CAMTA1: variants seen among roughly 807,000 people sequenced by gnomAD.
The protein encoded by CAMTA1 is calmodulin-binding transcription activator 1.
A neutral mutation model predicts 170.9 loss-of-function variants in CAMTA1; 27 were observed. That is an observed-to-expected ratio of 0.16 (90% confidence interval 0.12 to 0.22). The LOEUF (loss-of-function observed/expected upper bound fraction) is 0.22. CAMTA1 is among the 10% of genes least tolerant of loss of function. The pLI is 1.00. For missense variants in CAMTA1, 1,619 were observed against 2,217.2 expected (o/e 0.73, Z 5.42); for synonymous variants, 833 against 891.5 (o/e 0.93, Z 1.17).
At chr1:6,879,220 T>G (rs1670779326) in intron 3 of CAMTA1, among the ~76,000 whole-genome samples, 1 of 152,234 alleles carries the variant, frequency 6.6e-6, no homozygotes, top group African/African-American at 2.4e-5. Context: ...TCAGTCATCC[T>G]AGGAGAAATG....
At chr1:7,055,850 T>C (rs1434974169) in intron 3 of CAMTA1, among the ~76,000 whole-genome samples, 1 of 152,244 alleles carries the variant, frequency 6.6e-6, no homozygotes. Flanking sequence ...GATGAAGTAC[T>C]TCAGGGCTCA....
chr1:6,862,539 A>T (rs1665144885), intron 3 of CAMTA1, among the ~76,000 whole-genome samples: 1 of 152,074 alleles, frequency 6.6e-6, no homozygotes, highest in Non-Finnish European at 1.5e-5. Context: ...TTCATTTTTT[A>T]ACTATTCCAA....
At chr1:7,306,005 GTTGT>G (rs1444714151) in intron 5 of CAMTA1, among the ~76,000 whole-genome samples, 6 of 151,948 alleles carry the variant, frequency 3.9e-5, no homozygotes, top group African/African-American at 9.7e-5. Context: ...TATTTATTGG[GTTGT>G]TTGTTTGCTT....
chr1:7,747,924 T>A lies in CAMTA1; in HGVS notation c.4689+143T>A, dbSNP rs561073444. ...TTTGGTTGTTTTTTTTTTTTTATTT[T>A]TTTTTTGAAACGGAGTCTGGCTGTG... is the stretch of plus-strand genomic sequence containing the variant. On this transcript the variant is annotated intron_variant, in intron 19 of 22. Transcript: ENST00000303635. 27 of 567,232 alleles carry A rather than the reference T, an allele frequency of 4.8e-5. No individual in the cohort carries two copies. The East Asian group carries it at 7.4e-4, about 15-fold the overall frequency. The allele number at this position is 567,232 out of a possible 1,614,324, so 35.1% of individuals were successfully genotyped here.
In CAMTA1 at chr1:7,507,262, C is replaced by T. The variant is rs1622341; in HGVS notation, c.510+39361C>T. 2.2e-4 allele frequency among the ~76,000 whole-genome samples: 33 copies of T among 152,066 alleles called. No individual in the cohort carries two copies. In the South Asian group the frequency reaches 5.6e-3, roughly 26 times the overall value. ...ACTCACGCTCACATATTTGCACACT[C>T]GCACACACCCTGCCTTTTGCACACG... is the stretch of plus-strand genomic sequence containing the variant. On this transcript the variant is annotated intron_variant, in intron 6 of 22. Coordinates refer to ENST00000303635, the MANE Select transcript of CAMTA1 (RefSeq NM_015215.4).
intron 3 of CAMTA1, among the ~76,000 whole-genome samples, chr1:7,079,567 G>A (rs957537196): frequency 2.6e-5 from 4 of 151,920 alleles, no homozygotes; most frequent in Admixed American, 6.6e-5. Flanking sequence ...CACCTCCCAG[G>A]TTCAAGCGAT....
chr1:7,373,825 C>T (rs1574985245), intron 5 of CAMTA1, among the ~76,000 whole-genome samples: 1 of 152,314 alleles, frequency 6.6e-6, no homozygotes, highest in Admixed American at 6.5e-5. Context: ...ATTATTTGCA[C>T]TGTTGATAAA....
rs374177752 is a variant in CAMTA1, at chr1:7,665,115, G to C, written c.2568G>C (p.Ser856=). ...MHVAEVVSAA[S]AQGTLGMLQQ... is the part of the protein sequence containing the mutation. Reference sequence around the variant, plus strand: ...TCGCCGAGGTGGTCTCGGCCGCCTCGGCCCAGGGCACCCTAGGCATGCTGC... The same window carrying C: ...TCGCCGAGGTGGTCTCGGCCGCCTCCGCCCAGGGCACCCTAGGCATGCTGC... Residue 856 remains serine, a synonymous_variant, in exon 9 of 23, where the codon TCG becomes TCC. Coordinates refer to ENST00000303635, the MANE Select transcript of CAMTA1 (RefSeq NM_015215.4). The surrounding 1 kb of genome is among the most constrained non-coding windows in gnomAD (Gnocchi z 4.3). 6.6e-7 allele frequency: 1 copy of C among 1,526,238 alleles called. No individual in the cohort carries two copies. Among genetic ancestry groups the C allele is most frequent in the Non-Finnish European group, 8.8e-7 (1 of 1,140,106 alleles). The allele number at this position is 1,526,238 out of a possible 1,614,324, so 94.5% of individuals were successfully genotyped here.
At chr1:7,544,408 C>T (rs1013465981) in intron 6 of CAMTA1, among the ~76,000 whole-genome samples, 1 of 152,142 alleles carries the variant, frequency 6.6e-6, no homozygotes, top group Non-Finnish European at 1.5e-5. Context: ...CACAGCCAAA[C>T]CACATCAGTT....
At chr1:7,317,947 G>T (rs1178334660) in intron 5 of CAMTA1, among the ~76,000 whole-genome samples, 1 of 152,202 alleles carries the variant, frequency 6.6e-6, no homozygotes, top group Non-Finnish European at 1.5e-5. Context: ...AGATGTACTT[G>T]CTTTGCCTAT....
At chr1:7,148,225 GCA>G (rs1293538651) in intron 4 of CAMTA1, among the ~76,000 whole-genome samples, 7 of 144,112 alleles carry the variant, frequency 4.9e-5, no homozygotes, top group African/African-American at 1.3e-4. Context: ...CATACATCAT[GCA>G]CACACACACC....
Position 7,737,969 on chromosome 1 carries a change from A to G in CAMTA1, c.3669A>G (p.Arg1223=). The G allele has an allele frequency of 6.2e-7, 1 of 1,605,984 alleles. No individual in the cohort carries two copies. The highest frequency in any genetic ancestry group is 8.5e-7 in the Non-Finnish European group (1 of 1,174,300). ...TACTGTACTTTTCAGAGCTGAGAAG[A>G]CCTCGTTCTGAACCCTCTAATTACT... ...VIASTNPELR[R]PRSEPSNYYS... is the part of the protein sequence containing the mutation. Residue 1223 remains arginine, a synonymous_variant, in exon 16 of 23, where the codon AGA becomes AGG. Transcript: ENST00000303635.
chr1:7,356,016 TCAC>T (rs1192096795), intron 5 of CAMTA1, among the ~76,000 whole-genome samples: 1 of 152,238 alleles, frequency 6.6e-6, no homozygotes, highest in Non-Finnish European at 1.5e-5. Context: ...ACAGAAAGGT[TCAC>T]CAACCATCCA....
chr1:7,611,502 G>A (rs781774139), intron 6 of CAMTA1, among the ~76,000 whole-genome samples: 2 of 152,218 alleles, frequency 1.3e-5, no homozygotes, highest in Admixed American at 6.5e-5. Context: ...GACCAGGAAG[G>A]AGAGGATTCC....
rs70984034 is a variant in CAMTA1, at chr1:6,899,554, GCACACACACACA to G, written c.234+74373_234+74384del. Among the ~76,000 whole-genome samples the G allele has an allele frequency of 5.4e-3, 761 of 141,176 alleles. 12 individuals are homozygous for G. Among genetic ancestry groups the G allele is most frequent in the African/African-American group, 0.018 (688 of 39,226 alleles). The allele number at this position is 141,176 out of a possible 152,430, so 92.6% of individuals were successfully genotyped here. A position where few individuals can be genotyped will look rare whatever the true frequency, so the allele number is the denominator to read the frequency against. ...ATGTGTATAACGCGCACGCGCGCGC[GCACACACACACA>G]CACACACACACACACACACACACAC... On this transcript the variant is annotated intron_variant, in intron 3 of 22. Transcript: ENST00000303635.
At chr1:7,042,990 A>C (rs373885556) in intron 3 of CAMTA1, among the ~76,000 whole-genome samples, 356 of 151,754 alleles carry the variant, frequency 2.3e-3, no homozygotes, top group African/African-American at 7.2e-3. Flanking sequence ...AATCAACCAA[A>C]CCACCCCCCA....
At chr1:7,013,584 C>T (rs568675318) in intron 3 of CAMTA1, among the ~76,000 whole-genome samples, 2 of 152,332 alleles carry the variant, frequency 1.3e-5, no homozygotes, top group South Asian at 2.1e-4. Flanking sequence ...CCTGGCCGTC[C>T]TCAGTGCTTA....
intron 3 of CAMTA1, among the ~76,000 whole-genome samples, chr1:7,079,267 C>T (rs1469923556): frequency 6.6e-6 from 1 of 152,178 alleles, no homozygotes; most frequent in Admixed American, 6.5e-5. Flanking sequence ...GGCTGATCCA[C>T]AAGTAACTTA....
chr1:7,059,883 A>G (rs1014358233), intron 3 of CAMTA1, among the ~76,000 whole-genome samples: 3 of 152,230 alleles, frequency 2.0e-5, no homozygotes, highest in African/African-American at 7.2e-5. Flanking sequence ...GCTGAGAATC[A>G]GATGCTGTTA....
Sources: gnomAD v4.1 joint callset for allele counts (sites outside exome capture counted in the v4.1 genomes callset) on GRCh38, gnomAD v4.1.1 for gene constraint, Gnocchi (gnomAD v3.1) non-coding constraint, MANE v1.5 for transcripts, NCBI Gene and HGNC (gene_info 2026-07-23, HGNC 2026-07-21) for gene names.